Variants in MDN1 observed in about 807,000 individuals in gnomAD.
MDN1 encodes midasin.
Under a neutral mutation model 669.2 loss-of-function variants are expected in MDN1, and 266 were observed. That is an observed-to-expected ratio of 0.40 (90% confidence interval 0.36 to 0.44). MDN1 has a LOEUF of 0.44. Ranked by LOEUF, MDN1 falls within the 20% of genes least tolerant of loss-of-function variation. The pLI is 1.00. For synonymous variants in MDN1, 2,385 were observed against 2,457.1 expected (o/e 0.97, Z 0.87); for missense variants, 5,940 against 6,754.0 (o/e 0.88, Z 4.22).
At chr6:89,654,372 G>C (rs751305771) in intron 92 of MDN1, 38 bp from the exon 93 acceptor site, 2 of 1,608,664 alleles carry the variant, frequency 1.2e-6, no homozygotes, top group African/African-American at 2.7e-5. Flanking sequence ...AAAAATCCTA[G>C]GTCTTTGCAG....
chr6:89,710,824 C>G, intron 49 of MDN1, 30 bp from the exon 50 acceptor site: 1 of 1,357,712 alleles, frequency 7.4e-7, no homozygotes, highest in Non-Finnish European at 1.0e-6. Context: ...CAGTGTTAGA[C>G]TCTAAAGCAG....
At position 89,714,577 on chromosome 6, in the gene MDN1, C is replaced by A; in HGVS notation, c.7035G>T (p.Leu2345Phe). ...LVGNSVCDIL[L>F]ALHTETRSTV... ...TGCTCCGGGTCTCTGTGTGTAAAGC[C>A]AAGAGGATGTCACATACACTGTTCC... Residue 2345 changes from leucine (L) to phenylalanine (F), a missense_variant, in exon 46 of 102, where the codon TTG (leucine) becomes TTT (phenylalanine). Around this residue, in one of 5 missense-constraint regions of MDN1, gnomAD observed 2,292 missense variants for 2,638.3 expected, o/e 0.87. Transcript: ENST00000369393. 1 of 1,613,270 alleles carries A rather than the reference C, an allele frequency of 6.2e-7. No homozygotes were observed. Among genetic ancestry groups the A allele is most frequent in the Non-Finnish European group, 8.5e-7 (1 of 1,179,568 alleles).
chr6:89,677,778 A>T, intron 75 of MDN1, 82 bp from the exon 76 acceptor site: 1 of 1,577,476 alleles, frequency 6.3e-7, no homozygotes, highest in South Asian at 1.1e-5. Flanking sequence ...TACTCAAAGC[A>T]AAGTCTTCTA....
intron 1 of MDN1, chr6:89,814,793 G>T: frequency 4.5e-6 from 2 of 443,410 alleles, no homozygotes; most frequent in Non-Finnish European, 4.5e-6. Flanking sequence ...GGAGATCTCC[G>T]CCAGGGCCCT....
intron 35 of MDN1, among the ~76,000 whole-genome samples, chr6:89,729,584 C>G (rs1326341526): frequency 1.3e-5 from 2 of 151,962 alleles, no homozygotes; most frequent in Non-Finnish European, 2.9e-5. Flanking sequence ...TGTCCTTAAC[C>G]TGTAAGTTAA....
chr6:89,714,605 A>G lies in MDN1; in HGVS notation c.7007T>C (p.Val2336Ala). 1.2e-6 allele frequency: 2 copies of G among 1,614,090 alleles called. No homozygotes were observed. The highest frequency in any genetic ancestry group is 1.7e-6 in the Non-Finnish European group (2 of 1,179,990). ...GAGGATGTCACATACACTGTTCCCCACCAATCCAAGGCTGTGCAGCAGAAC... is the reference window on the plus strand; with the variant it reads ...GAGGATGTCACATACACTGTTCCCCGCCAATCCAAGGCTGTGCAGCAGAAC... Reference protein sequence around the residue: ...LKVLLHSLGLVGNSVCDILLA... With the variant: ...LKVLLHSLGLAGNSVCDILLA... Residue 2336 changes from valine (V) to alanine (A), a missense_variant, in exon 46 of 102, where the codon GTG (valine) becomes GCG (alanine). Physicochemically the swap from Val to Ala is moderately conservative, Grantham distance 64. Transcript: ENST00000369393.
intron 10 of MDN1, 99 bp from the exon 11 acceptor site, chr6:89,780,392 C>T (rs1271499981): frequency 1.7e-6 from 1 of 585,100 alleles, no homozygotes; most frequent in Non-Finnish European, 2.8e-6. Context: ...TCTGGGCATA[C>T]CTGATAACTT....
chr6:89,643,783 T>C lies in MDN1; in HGVS notation c.*222A>G. On this transcript the variant is annotated 3_prime_UTR_variant, in exon 102 of 102. Coordinates refer to ENST00000369393, the MANE Select transcript of MDN1 (RefSeq NM_014611.3). Reference sequence around the variant, plus strand: ...GCAGGGAAGAAGGATAACTCTTCTCTAGTTACGAGTTCAGGCACCTGCTGC... The same window carrying C: ...GCAGGGAAGAAGGATAACTCTTCTCCAGTTACGAGTTCAGGCACCTGCTGC... 2.3e-6 allele frequency: 1 copy of C among 431,402 alleles called. No homozygotes were observed. Among genetic ancestry groups the C allele is most frequent in the Non-Finnish European group, 4.1e-6 (1 of 246,208 alleles). The allele number at this position is 431,402 out of a possible 1,614,324, so 26.7% of individuals were successfully genotyped here.
chr6:89,673,130 A>T, intron 80 of MDN1, 106 bp downstream of exon 80: 2 of 992,408 alleles, frequency 2.0e-6, no homozygotes, highest in Non-Finnish European at 3.1e-6. Context: ...CTGGACAGGT[A>T]CATGTAGACC....
chr6:89,819,779 G>C lies in MDN1; in HGVS notation c.-172C>G, dbSNP rs924843682. On this transcript the variant is annotated 5_prime_UTR_variant, in exon 1 of 102. Coordinates refer to ENST00000369393, the MANE Select transcript of MDN1 (RefSeq NM_014611.3). ...GGGCACCACACGTGGGTGAGCACAC[G>C]GCGTTTGACGTCATCAGCTCGGGAC... 19 of 600,302 alleles carry C rather than the reference G, an allele frequency of 3.2e-5. No homozygotes were observed. The highest frequency in any genetic ancestry group is 2.6e-4 in the African/African-American group (14 of 53,590). The allele number at this position is 600,302 out of a possible 1,614,324, so 37.2% of individuals were successfully genotyped here.
In MDN1 at chr6:89,693,152, A is replaced by G. The variant is rs756393545; in HGVS notation, c.9882-4T>C. 2 of 1,565,006 alleles carry G rather than the reference A, an allele frequency of 1.3e-6. No homozygotes were observed. Among genetic ancestry groups the G allele is most frequent in the South Asian group, 1.2e-5 (1 of 83,406 alleles). On this transcript the variant is annotated splice_polypyrimidine_tract_variant and splice_region_variant and intron_variant, in intron 62 of 101. Coordinates refer to ENST00000369393, the MANE Select transcript of MDN1 (RefSeq NM_014611.3). The stretch of plus-strand genomic sequence containing the variant: ...ATCCATCCTTTGGCGAAGCAGCCTA[A>G]CGGGAAATTAACACAATATGCCAAT...
At chr6:89,746,610 AAAAAGAAAGAAAGAAAG>A (rs1562172929) in intron 27 of MDN1, among the ~76,000 whole-genome samples, 12 of 13,336 alleles carry the variant, frequency 9.0e-4, no homozygotes, top group East Asian at 1.6e-3. Context: ...AAAAAAAAAA[AAAAAGAAAGAAAGAAAG>A]AAAGAAAGAA....
Position 89,722,960 on chromosome 6 carries a change from T to C in MDN1, c.5962A>G (p.Lys1988Glu). ...ATACCAAGCGTGAAACTCACCTTTT[T>C]TTTGTCCTCTTCGGTTCTCATTCTT... ...GERMRTEEDKKKVIAVFKDVF... is the reference protein window; with the variant it reads ...GERMRTEEDKEKVIAVFKDVF... The change falls in exon 40 of 102, where the codon AAA becomes GAA. Residue 1988 changes from lysine to glutamate, a missense_variant. By Grantham distance (56) the Lys-to-Glu change is moderately conservative. This residue lies in a region of MDN1 where 2,292 missense variants were observed against 2,638.3 expected (regional missense o/e 0.87). Coordinates refer to ENST00000369393, the MANE Select transcript of MDN1 (RefSeq NM_014611.3). 6.2e-7 allele frequency: 1 copy of C among 1,607,166 alleles called. No homozygotes were observed. Among genetic ancestry groups the C allele is most frequent in the Non-Finnish European group, 8.5e-7 (1 of 1,177,086 alleles).
At chr6:89,710,274 CA>C (rs1406121752) in intron 50 of MDN1, among the ~76,000 whole-genome samples, 7 of 151,986 alleles carry the variant, frequency 4.6e-5, no homozygotes, top group Non-Finnish European at 7.4e-5. Context: ...TCTACCAAGC[CA>C]GTTTGTGGCA....
intron 7 of MDN1, 118 bp downstream of exon 7, chr6:89,789,662 T>C (rs1321903081): frequency 6.6e-6 from 8 of 1,206,504 alleles, no homozygotes; most frequent in Admixed American, 2.6e-5. Flanking sequence ...ACCTGCAACA[T>C]AGTACGTCTA....
Position 89,692,862 on chromosome 6 carries a change from A to G in MDN1, c.10168T>C (p.Tyr3390His), listed in dbSNP as rs1812469645. The G allele has an allele frequency of 6.2e-7, 1 of 1,613,950 alleles. No homozygotes were observed. Among genetic ancestry groups the G allele is most frequent in the Admixed American group, 1.7e-5 (1 of 59,990 alleles). ...CTCACGGCATCTGGATAGAAGGTGT[A>G]CTCCTCTGACAGCCGCTTCCGGAAC... is the stretch of plus-strand genomic sequence containing the variant. ...HQFRKRLSEE[Y>H]TFYPDAVSPL... Residue 3390 changes from tyrosine to histidine, a missense_variant, in exon 63 of 102, where the codon TAC (tyrosine) becomes CAC (histidine). Coordinates refer to ENST00000369393, the MANE Select transcript of MDN1 (RefSeq NM_014611.3).
intron 86 of MDN1, 95 bp downstream of exon 86, chr6:89,662,697 C>G: frequency 7.4e-7 from 1 of 1,342,880 alleles, no homozygotes; most frequent in Non-Finnish European, 1.0e-6. Flanking sequence ...AAAACAAATA[C>G]AGAAAAAGAA....
intron 15 of MDN1, among the ~76,000 whole-genome samples, chr6:89,764,943 A>T (rs1475929641): frequency 2.0e-5 from 3 of 152,196 alleles, no homozygotes; most frequent in Non-Finnish European, 4.4e-5. Flanking sequence ...TTACAAAGCA[A>T]GACCTTGTCT....
chr6:89,747,237 G>A, intron 27 of MDN1, 92 bp downstream of exon 27: 2 of 1,409,200 alleles, frequency 1.4e-6, no homozygotes, highest in South Asian at 1.3e-5. Flanking sequence ...TCAAATGTAT[G>A]TATCAATCAC....
Sources: gnomAD v4.1 joint callset for allele counts (sites outside exome capture counted in the v4.1 genomes callset) on GRCh38, gnomAD v4.1.1 for gene constraint, gnomAD v4.1.1 regional missense constraint, MANE v1.5 for transcripts, NCBI Gene and HGNC (gene_info 2026-07-23, HGNC 2026-07-21) for gene names.